The following WSB2 variants were observed in gnomAD, a reference collection of about 807,000 sequenced individuals.
The protein encoded by WSB2 is WD repeat and SOCS box-containing protein 2.
WSB2 carries 12 observed loss-of-function variants against 48.8 expected under a neutral mutation model. The ratio of observed to expected loss-of-function variants is 0.25; its 90% CI spans 0.16 to 0.40. WSB2 has a LOEUF of 0.40. Ranked by LOEUF, WSB2 falls within the 10% of genes least tolerant of loss-of-function variation. The pLI, the probability that WSB2 is intolerant of heterozygous loss-of-function variation, is 1.00. For synonymous variants in WSB2, 191 were observed against 203.1 expected, an observed-to-expected ratio of 0.94 and a Z score of 0.51; for missense variants, 317 against 506.2, an observed-to-expected ratio of 0.63 and a Z score of 3.59.
intron 2 of WSB2, among the ~76,000 whole-genome samples, chr12:118,043,692 C>T (rs932074158): frequency 3.3e-5 from 5 of 152,166 alleles, no homozygotes; most frequent in Non-Finnish European, 7.3e-5. Flanking sequence ...AGTGATCTGC[C>T]CACCTTGCCC....
intron 2 of WSB2, among the ~76,000 whole-genome samples, chr12:118,049,208 T>C (rs183048002): frequency 2.0e-5 from 3 of 152,286 alleles, no homozygotes; most frequent in African/African-American, 4.8e-5. Context: ...ATCATTAAAC[T>C]GACCACAGAA....
rs184302573 is a variant in WSB2, at chr12:118,045,180, C to T, written c.183-1803G>A. The stretch of plus-strand genomic sequence containing the variant: ...TCACGAGGTCAGGAGATCGAGACCA[C>T]GGTGAAACCCCTTCTCTACTAAAAA... On this transcript the variant is annotated intron_variant, in intron 2 of 8. Transcript: ENST00000315436. 2.2e-3 allele frequency among the ~76,000 whole-genome samples: 333 copies of T among 151,416 alleles called. 1 individual carries two copies. Among genetic ancestry groups the T allele is most frequent in the African/African-American group, 7.8e-3 (322 of 41,252 alleles).
intron 1 of WSB2, among the ~76,000 whole-genome samples, chr12:118,059,187 G>A (rs529484784): frequency 6.6e-6 from 1 of 151,080 alleles, no homozygotes; most frequent in South Asian, 2.1e-4. Flanking sequence ...TACACAACAC[G>A]TTTTGAACAC....
chr12:118,051,806 T>A (rs966092573), intron 2 of WSB2, among the ~76,000 whole-genome samples: 5 of 152,194 alleles, frequency 3.3e-5, no homozygotes, highest in African/African-American at 1.2e-4. Context: ...AAACCTCGTC[T>A]CTACTAATAA....
intron 1 of WSB2, 105 bp from the exon 2 acceptor site, chr12:118,052,583 T>C (rs551351918): frequency 3.0e-5 from 46 of 1,526,072 alleles, no homozygotes; most frequent in Admixed American, 3.9e-5. Flanking sequence ...ACACTATCCA[T>C]TCCCAGAGGG....
In WSB2 at chr12:118,047,350, G is replaced by A. The variant is rs114125609; in HGVS notation, c.183-3973C>T. Among the ~76,000 whole-genome samples the A allele has an allele frequency of 2.5e-3, 381 of 152,286 alleles. 2 individuals are homozygous for A. Among genetic ancestry groups the A allele is most frequent in the African/African-American group, 8.6e-3 (359 of 41,552 alleles). ...ACGTGAAAAGCAGGGAGGTCGTACC[G>A]TGGGAAAGAGCTGATGAGGCAAGAC... On this transcript the variant is annotated intron_variant, in intron 2 of 8. Coordinates refer to ENST00000315436, the MANE Select transcript of WSB2 (RefSeq NM_018639.5).
chr12:118,035,431 A>C, intron 6 of WSB2, 107 bp from the exon 7 acceptor site: 1 of 908,664 alleles, frequency 1.1e-6, no homozygotes, highest in Non-Finnish European at 1.7e-6. Flanking sequence ...AAAAGGGCTC[A>C]AGATGCATTG....
At position 118,052,314 on chromosome 12, in the gene WSB2, GCTC is replaced by G; in HGVS notation, c.175_177del (p.Glu59del). ...CCCCAGTACGAGAATACTTACAACT[GCTC>G]CTCCAACGGCCAGGGGATCAGTTTG... On this transcript the variant is annotated inframe_deletion, in exon 2 of 9. Transcript: ENST00000315436. 2 of 1,613,888 alleles carry G rather than the reference GCTC, an allele frequency of 1.2e-6. No homozygotes were observed. Among genetic ancestry groups the G allele is most frequent in the Non-Finnish European group, 1.7e-6 (2 of 1,179,802 alleles).
intron 4 of WSB2, among the ~76,000 whole-genome samples, chr12:118,039,516 T>C (rs1214727721): frequency 6.6e-6 from 1 of 151,734 alleles, no homozygotes; most frequent in African/African-American, 2.4e-5. Flanking sequence ...ATTATACAAG[T>C]AGACAGAAAA....
intron 1 of WSB2, among the ~76,000 whole-genome samples, chr12:118,059,383 G>C (rs4131122): frequency 0.092 from 13,913 of 151,930 alleles, 1,146 homozygotes; most frequent in East Asian, 0.42. Flanking sequence ...TCTGTTGGTC[G>C]GGGCTGGCCT....
rs768179325 is a variant in WSB2 at position 118,043,200 on chromosome 12, A to G, written c.360T>C (p.Asp120=). Residue 120 remains aspartate, a synonymous_variant, in exon 3 of 9, where the codon GAT becomes GAC. Coordinates refer to ENST00000315436, the MANE Select transcript of WSB2 (RefSeq NM_018639.5). The stretch of plus-strand genomic sequence containing the variant: ...CCGTAGCAAGAACCAGGCAAGAGAC[A>G]TCGGGCACTTGGGGGTGGTGGCGTG... The part of the protein sequence containing the change: ...LWARHHPQVP[D]VSCLVLATGL... 79 of 1,614,124 alleles carry G rather than the reference A, an allele frequency of 4.9e-5. No individual in the cohort carries two copies. In the Admixed American group the frequency reaches 7.2e-4, roughly 15 times the overall value.
Position 118,060,414 on chromosome 12 carries a change from C to G in WSB2, c.13+622G>C, listed in dbSNP as rs1237261061. Among the ~76,000 whole-genome samples the G allele has an allele frequency of 6.6e-6, 1 of 152,134 alleles. No homozygotes were observed. Among genetic ancestry groups the G allele is most frequent in the Non-Finnish European group, 1.5e-5 (1 of 68,024 alleles). ...CAGGGATCAGCGTCTCCAGTCCCGC[C>G]CCACCTCCACTGACTTAATCTCCAG... On this transcript the variant is annotated intron_variant, in intron 1 of 8. Transcript: ENST00000315436. This position sits in a 1 kb window ranked among gnomAD's most constrained non-coding sequence, Gnocchi z 4.1.
In WSB2 at chr12:118,043,411, A is replaced by G. The variant is rs777544682; in HGVS notation, c.183-34T>C. On this transcript the variant is annotated intron_variant, in intron 2 of 8. Coordinates refer to ENST00000315436, the MANE Select transcript of WSB2 (RefSeq NM_018639.5). ...AGCAGAGATTTCTTAATGAATCTGCAATTGTTACCAGTCTATCAACTTTTC... is the reference window on the plus strand; with the variant it reads ...AGCAGAGATTTCTTAATGAATCTGCGATTGTTACCAGTCTATCAACTTTTC... 41 of 1,520,592 alleles carry G rather than the reference A, an allele frequency of 2.7e-5. No homozygotes were observed. The East Asian group carries it at 9.1e-4, about 34-fold the overall frequency. 94.2% of individuals were successfully genotyped at this position (1,520,592 alleles called of 1,614,324 possible).
rs1199432165 is a variant in WSB2, at chr12:118,061,155, C to T, written c.-107G>A. On this transcript the variant is annotated 5_prime_UTR_variant, in exon 1 of 9. Transcript: ENST00000315436. ...CCCGCCCCGGCCAGGCCGCCGCCGCCGCCCGGAGAGGCCATCAGCTGCTTC... is the reference window on the plus strand; with the variant it reads ...CCCGCCCCGGCCAGGCCGCCGCCGCTGCCCGGAGAGGCCATCAGCTGCTTC... The T allele has an allele frequency of 3.1e-6, 3 of 982,602 alleles. No homozygotes were observed. Among genetic ancestry groups the T allele is most frequent in the Admixed American group, 6.3e-5 (1 of 15,972 alleles). 60.9% of individuals were successfully genotyped at this position (982,602 alleles called of 1,614,324 possible).
At chr12:118,037,678 AAAAAGAAAAG>A (rs1162965546) in intron 5 of WSB2, among the ~76,000 whole-genome samples, 3 of 151,366 alleles carry the variant, frequency 2.0e-5, no homozygotes, top group African/African-American at 2.4e-5. Context: ...AAAAAAAAAA[AAAAAGAAAAG>A]AAAAGAAAAG....
intron 1 of WSB2, among the ~76,000 whole-genome samples, chr12:118,057,977 C>T (rs1013449097): frequency 6.6e-6 from 1 of 151,242 alleles, no homozygotes. Flanking sequence ...GCTATGTTGA[C>T]CAAGCTGGTT....
chr12:118,056,000 C>T (rs754332768), intron 1 of WSB2, among the ~76,000 whole-genome samples: 1 of 151,840 alleles, frequency 6.6e-6, no homozygotes, highest in African/African-American at 2.4e-5. Flanking sequence ...TAACCCCTCT[C>T]CATCTCTACT....
intron 1 of WSB2, among the ~76,000 whole-genome samples, chr12:118,055,781 A>T (rs1256453787): frequency 6.6e-6 from 1 of 151,394 alleles, no homozygotes; most frequent in African/African-American, 2.4e-5. Flanking sequence ...CACCCAGCTA[A>T]TTTTTGTATT....
At position 118,060,639 on chromosome 12, in the gene WSB2, T is replaced by A. The variant is rs1348871718; in HGVS notation, c.13+397A>T. Among the ~76,000 whole-genome samples, 1 of 151,876 alleles carries A rather than the reference T, an allele frequency of 6.6e-6. No homozygotes were observed. Among genetic ancestry groups the A allele is most frequent in the South Asian group, 2.1e-4 (1 of 4,814 alleles). ...TTGTGAGGGACAGAGGTGACTCCCATCCAGACATGCAAGTGCGTCCCCTGG... is the reference window on the plus strand; with the variant it reads ...TTGTGAGGGACAGAGGTGACTCCCAACCAGACATGCAAGTGCGTCCCCTGG... On this transcript the variant is annotated intron_variant, in intron 1 of 8. Transcript: ENST00000315436. This position sits in a 1 kb window ranked among gnomAD's most constrained non-coding sequence, Gnocchi z 4.1.
Sources: gnomAD v4.1 joint callset for allele counts (sites outside exome capture counted in the v4.1 genomes callset) on GRCh38, gnomAD v4.1.1 for gene constraint, Gnocchi (gnomAD v3.1) non-coding constraint, MANE v1.5 for transcripts, NCBI Gene and HGNC (gene_info 2026-07-23, HGNC 2026-07-21) for gene names.